The following NAV2 variants were observed in gnomAD, a reference collection of about 807,000 sequenced individuals.
NAV2 encodes the protein neuron navigator 2, also known as helicase, APC down-regulated 1.
Under a neutral mutation model 223.2 loss-of-function variants are expected in NAV2, and 54 were observed. That is an observed-to-expected ratio of 0.24 (90% CI 0.19 to 0.30). NAV2 has a LOEUF of 0.30. Ranked by LOEUF, NAV2 falls within the 10% of genes least tolerant of loss-of-function variation. The pLI is 1.00. For synonymous variants in NAV2, 1,279 were observed against 1,239.3 expected (o/e 1.03, Z -0.67); for missense variants, 2,806 against 3,147.5 (o/e 0.89, Z 2.60).
In NAV2 at chr11:19,933,695, G is replaced by A. The variant is rs775937564; in HGVS notation, c.1451G>A (p.Gly484Asp). 2.5e-6 allele frequency: 4 copies of A among 1,614,160 alleles called. No homozygotes were observed. Among genetic ancestry groups the A allele is most frequent in the South Asian group, 2.2e-5 (2 of 91,084 alleles). The change falls in exon 7 of 38, where the codon GGC becomes GAC. Residue 484 changes from glycine (G) to aspartate (D), a missense_variant. By Grantham distance (94) the Gly-to-Asp change is moderately conservative. Coordinates refer to ENST00000349880, the MANE Select transcript of NAV2 (RefSeq NM_145117.5). The surrounding 1 kb of genome is among the most constrained non-coding windows in gnomAD (Gnocchi z 4.3). ...ACCAACAAGAAGAGTTCTCTGAAAG[G>A]CAATGAGAAAGAGAAGGAGAAACAA... is the stretch of plus-strand genomic sequence containing the variant. Reference protein sequence around the residue: ...ALTNKKSSLKGNEKEKEKQQR... With the variant: ...ALTNKKSSLKDNEKEKEKQQR...
chr11:19,538,463 C>T (rs1438436018), intron 1 of NAV2, among the ~76,000 whole-genome samples: 1 of 152,110 alleles, frequency 6.6e-6, no homozygotes, highest in African/African-American at 2.4e-5. Context: ...ACCTCAGCCT[C>T]CCGTGTAGCT....
At chr11:19,656,934 C>T (rs945438220) in intron 1 of NAV2, among the ~76,000 whole-genome samples, 1 of 152,046 alleles carries the variant, frequency 6.6e-6, no homozygotes, top group Admixed American at 6.5e-5. Flanking sequence ...CACCTGAGCA[C>T]CTGGGAGAAT....
chr11:19,980,927 T>C (rs2050236253), intron 10 of NAV2, among the ~76,000 whole-genome samples: 1 of 152,204 alleles, frequency 6.6e-6, no homozygotes, highest in Admixed American at 6.5e-5. Context: ...AGGAGAGACA[T>C]ACAACAGAAT....
chr11:19,839,642 C>T (rs747784424), intron 2 of NAV2, among the ~76,000 whole-genome samples: 1 of 152,234 alleles, frequency 6.6e-6, no homozygotes, highest in Non-Finnish European at 1.5e-5. Context: ...GGGTTGTTAA[C>T]TGCCAGGGAT....
chr11:19,604,984 T>G (rs2046441075), intron 1 of NAV2, among the ~76,000 whole-genome samples: 1 of 152,208 alleles, frequency 6.6e-6, no homozygotes, highest in Admixed American at 6.5e-5. Flanking sequence ...CATGTGGAAC[T>G]GTAAGTCCAT....
chr11:19,739,125 T>C (rs934730060), intron 1 of NAV2, among the ~76,000 whole-genome samples: 4 of 152,104 alleles, frequency 2.6e-5, no homozygotes, highest in Non-Finnish European at 4.4e-5. Context: ...GAGGCTGCAG[T>C]GAACCACGAT....
chr11:19,831,873 TGAAAA>T (rs1336400885), intron 1 of NAV2, among the ~76,000 whole-genome samples: 1 of 152,216 alleles, frequency 6.6e-6, no homozygotes. Context: ...ATCCCAACAG[TGAAAA>T]TGATGCCTGG....
Position 20,107,670 on chromosome 11 carries a change from G to T in NAV2, c.6848G>T (p.Arg2283Leu). The T allele has an allele frequency of 6.2e-7, 1 of 1,613,808 alleles. No homozygotes were observed. Among genetic ancestry groups the T allele is most frequent in the Non-Finnish European group, 8.5e-7 (1 of 1,179,774 alleles). The change falls in exon 36 of 38, where the codon CGG becomes CTG. Residue 2283 changes from arginine to leucine, a missense_variant. Transcript: ENST00000349880. Reference protein sequence around the residue: ...HSSSDVTIGPRLFLSCPIDVD... With the variant: ...HSSSDVTIGPLLFLSCPIDVD... ...TTTTCACTGTGGTCTCCAGGCCCCC[G>T]GCTCTTCCTGTCATGCCCCATCGAT...
chr11:19,628,111 G>A (rs1434626216), intron 1 of NAV2, among the ~76,000 whole-genome samples: 1 of 152,150 alleles, frequency 6.6e-6, no homozygotes, highest in African/African-American at 2.4e-5. Flanking sequence ...CTTGGAGCCA[G>A]TATGTCTCCC....
intron 1 of NAV2, chr11:19,777,683 G>T (rs146669002): frequency 4.2e-4 from 170 of 400,626 alleles, no homozygotes; most frequent in Admixed American, 6.9e-4. Context: ...CTCAGGGGAG[G>T]TGTGTGTGTT....
In NAV2 at chr11:19,352,948, C is replaced by T. The variant is rs1035619590; in HGVS notation, c.75+1921C>T. Among the ~76,000 whole-genome samples the T allele has an allele frequency of 7.2e-5, 11 of 152,062 alleles. No homozygotes were observed. The East Asian group carries it at 7.7e-4, about 11-fold the overall frequency. ...TGTGGGTAAACATACACCCCATTTG[C>T]GTCAAGTGTGAAGCTAAACAAGCCT... On this transcript the variant is annotated intron_variant, in intron 1 of 37. Transcript: ENST00000360655.
intron 1 of NAV2, among the ~76,000 whole-genome samples, chr11:19,689,058 G>A (rs1382149196): frequency 1.3e-5 from 2 of 152,150 alleles, no homozygotes; most frequent in Non-Finnish European, 2.9e-5. Flanking sequence ...TCCACAAAGA[G>A]CTCCTGGAGG....
Position 19,933,405 on chromosome 11 carries a change from A to G in NAV2, c.1161A>G (p.Thr387=), listed in dbSNP as rs1267778834. The change falls in exon 7 of 38, where the codon ACA becomes ACG. Residue 387 remains threonine (T), a synonymous_variant. Coordinates refer to ENST00000349880, the MANE Select transcript of NAV2 (RefSeq NM_145117.5). This position sits in a 1 kb window ranked among gnomAD's most constrained non-coding sequence, Gnocchi z 4.3. The stretch of plus-strand genomic sequence containing the variant: ...CTGGGCCTGAGGCCCCCAGGCCCAC[A>G]CCTGAAGCCATGAAGCCGGCCCCCA... ...KPPGPEAPRP[T]PEAMKPAPNN... The G allele has an allele frequency of 6.3e-7, 1 of 1,580,182 alleles. No homozygotes were observed. Among genetic ancestry groups the G allele is most frequent in the Admixed American group, 1.8e-5 (1 of 54,206 alleles).
chr11:19,431,567 G>A (rs1331561297), intron 1 of NAV2, among the ~76,000 whole-genome samples: 1 of 152,188 alleles, frequency 6.6e-6, no homozygotes, highest in Non-Finnish European at 1.5e-5. Flanking sequence ...AGTGAGGTTG[G>A]GGCTGGGTGC....
intron 10 of NAV2, among the ~76,000 whole-genome samples, 197 bp from the exon 11 acceptor site, chr11:19,983,928 A>G (rs1334120979): frequency 6.6e-6 from 1 of 151,992 alleles, no homozygotes; most frequent in East Asian, 1.9e-4. Context: ...CCTTTTTGTT[A>G]GCGAGCTGGG....
intron 10 of NAV2, among the ~76,000 whole-genome samples, chr11:19,972,556 A>G (rs2049337751): frequency 6.6e-6 from 1 of 152,204 alleles, no homozygotes; most frequent in African/African-American, 2.4e-5. Flanking sequence ...ATAGAAAACC[A>G]TACACCGAGT....
Position 20,045,384 on chromosome 11 carries a change from G to C in NAV2, c.3616G>C (p.Gly1206Arg), listed in dbSNP as rs780462046. 8.7e-6 allele frequency: 14 copies of C among 1,614,038 alleles called. No individual in the cohort carries two copies. The highest frequency in any genetic ancestry group is 1.3e-5 in the African/African-American group (1 of 74,904). ...TAAGTCCAACAGCCGGAACGGGGCT[G>C]GGAACAGGTCTAGCACCAGCAGCAT... Reference protein sequence around the residue: ...PSKSNSRNGAGNRSSTSSIDS... With the variant: ...PSKSNSRNGARNRSSTSSIDS... Residue 1206 changes from glycine to arginine, a missense_variant, in exon 14 of 38, where the codon GGG (glycine) becomes CGG (arginine). Gly to Arg is a moderately radical substitution (Grantham distance 125). This residue lies in a region of NAV2 where 742 missense variants were observed against 777.9 expected (regional missense o/e 0.95). Transcript: ENST00000349880.
At chr11:19,738,949 A>G (rs1028017870) in intron 1 of NAV2, among the ~76,000 whole-genome samples, 1 of 152,184 alleles carries the variant, frequency 6.6e-6, no homozygotes, top group African/African-American at 2.4e-5. Flanking sequence ...CTAATATTAG[A>G]TGGAAAAATG....
chr11:19,662,126 A>G (rs941893282), intron 1 of NAV2, among the ~76,000 whole-genome samples: 3 of 152,334 alleles, frequency 2.0e-5, no homozygotes, highest in Admixed American at 1.3e-4. Flanking sequence ...ATTCTTTTTA[A>G]AAATGTGTGA....
Sources: gnomAD v4.1 joint callset for allele counts (sites outside exome capture counted in the v4.1 genomes callset) on GRCh38, gnomAD v4.1.1 for gene constraint, gnomAD v4.1.1 regional missense constraint, Gnocchi (gnomAD v3.1) non-coding constraint, MANE v1.5 for transcripts, NCBI Gene and HGNC (gene_info 2026-07-23, HGNC 2026-07-21) for gene names.